TAMM41: variants seen among roughly 807,000 people sequenced by gnomAD.
TAMM41 encodes phosphatidate cytidylyltransferase, mitochondrial.
TAMM41 carries 36 observed loss-of-function variants against 44.1 expected under a neutral mutation model. The ratio of observed to expected loss-of-function variants is 0.82; its 90% CI spans 0.63 to 1.08. The LOEUF is 1.08. Among genes scored for constraint, TAMM41 ranks in the 50% least tolerant of loss-of-function variants. The probability of loss-of-function intolerance (pLI) is 0.00; values close to 1 mark genes in which losing one functional copy is unlikely to be tolerated. For synonymous variants in TAMM41, 164 were observed against 153.1 expected (o/e 1.07, Z -0.53); for missense variants, 417 against 404.3 (o/e 1.03, Z -0.27).
chr3:11,840,700 C>T (rs1410988044), intron 2 of TAMM41, among the ~76,000 whole-genome samples: 3 of 151,700 alleles, frequency 2.0e-5, no homozygotes, highest in Admixed American at 6.6e-5. Flanking sequence ...TATTGGTCCT[C>T]AGTGGATTGG....
chr3:11,826,530 CAAAAAAAAA>C (rs11388352), intron 4 of TAMM41, among the ~76,000 whole-genome samples: 3 of 62,222 alleles, frequency 4.8e-5, no homozygotes, highest in Non-Finnish European at 8.8e-5. Flanking sequence ...CCTTGTCTCT[CAAAAAAAAA>C]AAAAAAAAAA....
At chr3:11,814,805 AC>A (rs1490549096) in intron 5 of TAMM41, among the ~76,000 whole-genome samples, 1 of 152,162 alleles carries the variant, frequency 6.6e-6, no homozygotes, top group Non-Finnish European at 1.5e-5. Flanking sequence ...TACTAAAAAC[AC>A]AAAAACCAGC....
intron 3 of TAMM41, among the ~76,000 whole-genome samples, chr3:11,833,736 A>G (rs1036527441): frequency 4.6e-5 from 7 of 152,222 alleles, no homozygotes; most frequent in Non-Finnish European, 1.0e-4. Flanking sequence ...ATTTGCTTAT[A>G]GTAGGGCAGA....
At chr3:11,735,748 T>C in the TAMM41 span, among the ~76,000 whole-genome samples, 1 of 152,154 alleles carries the variant, frequency 6.6e-6, no homozygotes, top group African/African-American at 2.4e-5. Flanking sequence ...AAGACTTCTA[T>C]AATAAGGCAA....
At chr3:11,734,325 T>G in the TAMM41 span, among the ~76,000 whole-genome samples, 1 of 152,178 alleles carries the variant, frequency 6.6e-6, no homozygotes, top group Non-Finnish European at 1.5e-5. Context: ...GAGTTCCATT[T>G]TGCACGTAGT....
chr3:11,807,729 C>A (rs1486957636), intron 7 of TAMM41, 104 bp downstream of exon 7: 1 of 1,536,006 alleles, frequency 6.5e-7, no homozygotes, highest in Non-Finnish European at 8.7e-7. Context: ...CAAAGCTCAG[C>A]ATTTCACAAG....
At chr3:11,797,696 G>A (rs939701089) in intron 7 of TAMM41, among the ~76,000 whole-genome samples, 2 of 152,146 alleles carry the variant, frequency 1.3e-5, no homozygotes, top group Non-Finnish European at 2.9e-5. Flanking sequence ...GTGAAGAACA[G>A]AGTGAACAGA....
intron 5 of TAMM41, among the ~76,000 whole-genome samples, chr3:11,811,989 G>A (rs146710336): frequency 1.4e-4 from 22 of 152,212 alleles, no homozygotes; most frequent in East Asian, 3.9e-4. Flanking sequence ...GTGCAGTGGC[G>A]CGATCTCAGC....
the TAMM41 span, among the ~76,000 whole-genome samples, chr3:11,722,095 G>C: frequency 6.6e-6 from 1 of 152,160 alleles, no homozygotes; most frequent in East Asian, 1.9e-4. Context: ...TTTGTTTGCT[G>C]CTAAATGATT....
chr3:11,802,943 C>T (rs773044158), intron 7 of TAMM41, among the ~76,000 whole-genome samples: 2 of 152,120 alleles, frequency 1.3e-5, no homozygotes, highest in Non-Finnish European at 2.9e-5. Flanking sequence ...GAATTAAGGA[C>T]AAAAACCACA....
the TAMM41 span, among the ~76,000 whole-genome samples, chr3:11,744,985 G>A: frequency 4.2e-4 from 64 of 151,824 alleles, 1 homozygote; most frequent in African/African-American, 1.4e-3. Flanking sequence ...CGCCTCAGCC[G>A]CCTGAGTACC....
the TAMM41 span, among the ~76,000 whole-genome samples, chr3:11,737,639 A>G: frequency 1.3e-5 from 2 of 152,112 alleles, no homozygotes; most frequent in African/African-American, 4.8e-5. Context: ...TATTTTTGTT[A>G]TCATGTAACT....
the TAMM41 span, among the ~76,000 whole-genome samples, chr3:11,752,284 A>C: frequency 5.3e-5 from 8 of 152,092 alleles, no homozygotes; most frequent in African/African-American, 1.9e-4. Context: ...CCAAAGAGTG[A>C]GCAGCAGCAA....
the TAMM41 span, among the ~76,000 whole-genome samples, chr3:11,769,300 G>T: frequency 7.2e-5 from 11 of 151,818 alleles, no homozygotes; most frequent in African/African-American, 2.2e-4. Flanking sequence ...ATGTTGGCCA[G>T]ACTTGTCTTG....
In TAMM41 at chr3:11,846,617, T is replaced by C; in HGVS notation, c.20A>G (p.Gln7Arg). MALQTL[Q>R]SSWVTFRKIL... ...CTTGCGGAAGGTCACCCACGAGCTCTGCAGCGTCTGCAGCGCCATGGGGTC... is the reference window on the plus strand; with the variant it reads ...CTTGCGGAAGGTCACCCACGAGCTCCGCAGCGTCTGCAGCGCCATGGGGTC... The change falls in exon 1 of 8, where the codon CAG becomes CGG. Residue 7 changes from glutamine to arginine, a missense_variant. Transcript: ENST00000455809. 6.2e-7 allele frequency: 1 copy of C among 1,614,158 alleles called. No homozygotes were observed. Among genetic ancestry groups the C allele is most frequent in the Non-Finnish European group, 8.5e-7 (1 of 1,180,006 alleles).
chr3:11,805,992 T>C (rs1441116557), intron 7 of TAMM41, among the ~76,000 whole-genome samples: 1 of 152,180 alleles, frequency 6.6e-6, no homozygotes, highest in African/African-American at 2.4e-5. Context: ...TGTTACGAGA[T>C]CTGATGGTTC....
chr3:11,738,274 G>C, the TAMM41 span, among the ~76,000 whole-genome samples: 4 of 152,120 alleles, frequency 2.6e-5, no homozygotes, highest in African/African-American at 7.2e-5. Flanking sequence ...AGAAAATCCT[G>C]GTTTTGAATC....
At chr3:11,722,381 GGTT>G in the TAMM41 span, among the ~76,000 whole-genome samples, 87 of 152,168 alleles carry the variant, frequency 5.7e-4, no homozygotes, top group African/African-American at 1.9e-3. Flanking sequence ...GAAAAAGGGG[GGTT>G]GTTGTAAAGG....
chr3:11,745,489 C>G, the TAMM41 span, among the ~76,000 whole-genome samples: 69 of 152,276 alleles, frequency 4.5e-4, no homozygotes, highest in African/African-American at 1.6e-3. Context: ...GAATATTATT[C>G]TATCTTAAAA....
Sources: allele counts gnomAD v4.1 joint callset (sites outside exome capture counted in the v4.1 genomes callset), GRCh38; gene constraint gnomAD v4.1.1; transcripts MANE v1.5; gene names NCBI Gene and HGNC (gene_info 2026-07-23, HGNC 2026-07-21).